The following IQCM variants were observed in gnomAD, a reference collection of about 807,000 sequenced individuals.
IQCM encodes the protein IQ motif containing M, also known as IQ domain-containing protein M.
In IQCM, 45 loss-of-function variants were observed where a neutral mutation model predicts 57.6. That is an observed-to-expected ratio of 0.78 (90% CI 0.62 to 1.00). The LOEUF is 1.00. IQCM is among the 50% of genes least tolerant of loss of function. The pLI is 0.00. For missense variants in IQCM, 468 were observed against 511.6 expected (o/e 0.91, Z 0.82); for synonymous variants, 148 against 158.9 (o/e 0.93, Z 0.51).
intron 2 of IQCM, among the ~76,000 whole-genome samples, chr4:149,766,492 C>A (rs916745695): frequency 6.6e-6 from 1 of 152,076 alleles, no homozygotes; most frequent in African/African-American, 2.4e-5. Context: ...TCCTGGCTCC[C>A]CAGATACCCC....
chr4:149,404,694 AG>A (rs1325664852), intron 13 of IQCM, among the ~76,000 whole-genome samples: 1 of 152,120 alleles, frequency 6.6e-6, no homozygotes, highest in Non-Finnish European at 1.5e-5. Context: ...TAGTGACCAT[AG>A]ATAGGACAGC....
chr4:149,592,933 T>A (rs11099737), intron 8 of IQCM, among the ~76,000 whole-genome samples: 14 of 151,946 alleles, frequency 9.2e-5, no homozygotes, highest in African/African-American at 2.7e-4. Flanking sequence ...TTGTCTTGGC[T>A]ATGTGGGCTC....
chr4:149,670,240 T>C (rs1216794521), intron 7 of IQCM, among the ~76,000 whole-genome samples: 2 of 152,180 alleles, frequency 1.3e-5, no homozygotes, highest in African/African-American at 4.8e-5. Flanking sequence ...CTTGAAGCAA[T>C]TGTGAATGGG....
intron 8 of IQCM, among the ~76,000 whole-genome samples, chr4:149,593,472 G>A (rs1443317147): frequency 6.6e-6 from 1 of 151,956 alleles, no homozygotes; most frequent in Non-Finnish European, 1.5e-5. Context: ...TGATTGCCCT[G>A]GCCAGAACTT....
chr4:149,736,149 T>C (rs1009024651), intron 3 of IQCM, among the ~76,000 whole-genome samples: 2 of 152,088 alleles, frequency 1.3e-5, no homozygotes, highest in Non-Finnish European at 2.9e-5. Context: ...GGTTTCACCA[T>C]GCTGCCCAGG....
At chr4:149,546,005 TC>T (rs1748375032) in intron 12 of IQCM, among the ~76,000 whole-genome samples, 1 of 152,132 alleles carries the variant, frequency 6.6e-6, no homozygotes, top group East Asian at 1.9e-4. Flanking sequence ...TGTGTGATGT[TC>T]CCCACCCTGT....
intron 12 of IQCM, among the ~76,000 whole-genome samples, chr4:149,543,237 C>T (rs932069044): frequency 1.7e-4 from 26 of 151,872 alleles, no homozygotes; most frequent in Non-Finnish European, 3.7e-4. Context: ...CAGATTACTA[C>T]TCTGTCAAAA....
intron 12 of IQCM, among the ~76,000 whole-genome samples, chr4:149,517,530 T>C (rs1468541996): frequency 6.6e-6 from 1 of 152,140 alleles, no homozygotes; most frequent in African/African-American, 2.4e-5. Context: ...TCTCAGGAGA[T>C]GTGTATGGGT....
chr4:149,496,684 C>T (rs1742691119), intron 12 of IQCM, among the ~76,000 whole-genome samples: 1 of 152,122 alleles, frequency 6.6e-6, no homozygotes, highest in Non-Finnish European at 1.5e-5. Context: ...GACTTCTGAC[C>T]TCCAGAACTT....
chr4:149,523,176 T>C (rs1218978614), intron 12 of IQCM, among the ~76,000 whole-genome samples: 1 of 152,122 alleles, frequency 6.6e-6, no homozygotes, highest in Non-Finnish European at 1.5e-5. Context: ...CTGTCTCTTC[T>C]TATAAAAGCA....
intron 13 of IQCM, among the ~76,000 whole-genome samples, chr4:149,394,004 T>C (rs553053401): frequency 6.6e-6 from 1 of 152,094 alleles, no homozygotes. Context: ...TGAACAGTAG[T>C]TTCCAAATTA....
chr4:149,553,453 T>C (rs1240119725), intron 10 of IQCM, among the ~76,000 whole-genome samples, 166 bp from the exon 11 acceptor site: 1 of 152,238 alleles, frequency 6.6e-6, no homozygotes, highest in African/African-American at 2.4e-5. Flanking sequence ...ATAATCTCCC[T>C]GAAGTTCAGA....
chr4:149,630,523 A>G (rs569719959), intron 7 of IQCM, among the ~76,000 whole-genome samples: 14 of 152,338 alleles, frequency 9.2e-5, no homozygotes, highest in African/African-American at 2.9e-4. Context: ...CTGAAAAGGA[A>G]GCAATAATTA....
chr4:149,384,962 G>T (rs910691306), intron 13 of IQCM, among the ~76,000 whole-genome samples: 1 of 151,810 alleles, frequency 6.6e-6, no homozygotes, highest in Non-Finnish European at 1.5e-5. Context: ...TTTAAAAAAT[G>T]CTTCATTAAA....
intron 2 of IQCM, among the ~76,000 whole-genome samples, chr4:149,754,352 C>A (rs1015711884): frequency 2.6e-5 from 4 of 152,178 alleles, no homozygotes; most frequent in Admixed American, 2.6e-4. Context: ...TGCATCACAG[C>A]TCAATTTCTC....
chr4:149,443,617 A>G lies in IQCM; in HGVS notation c.1229-10060T>C, dbSNP rs536682254. ...CTAAGTCTTGTTAAAATAGAGCGCAATAAAATTGAATTAAAATAACTAAAG... is the reference window on the plus strand; with the variant it reads ...CTAAGTCTTGTTAAAATAGAGCGCAGTAAAATTGAATTAAAATAACTAAAG... On this transcript the variant is annotated intron_variant, in intron 12 of 13. Transcript: ENST00000636793. 2.6e-5 allele frequency among the ~76,000 whole-genome samples: 4 copies of G among 151,636 alleles called. No individual in the cohort carries two copies. The South Asian group carries it at 6.2e-4, about 24-fold the overall frequency.
intron 13 of IQCM, among the ~76,000 whole-genome samples, chr4:149,410,162 T>C (rs1469317559): frequency 1.3e-5 from 2 of 152,024 alleles, no homozygotes; most frequent in African/African-American, 2.4e-5. Flanking sequence ...CAGCCTGGGC[T>C]ACAGAGCAAG....
At chr4:149,567,924 G>A (rs954055343) in intron 9 of IQCM, among the ~76,000 whole-genome samples, 10 of 152,030 alleles carry the variant, frequency 6.6e-5, no homozygotes, top group South Asian at 4.2e-4. Context: ...TGCCAGCTCC[G>A]AATTCAAAAT....
At chr4:149,543,031 G>A (rs972999180) in intron 12 of IQCM, among the ~76,000 whole-genome samples, 4 of 150,950 alleles carry the variant, frequency 2.6e-5, no homozygotes, top group African/African-American at 4.9e-5. Flanking sequence ...ATAATGAGTA[G>A]AGAAAAATAC....
Sources: allele counts gnomAD v4.1 joint callset (sites outside exome capture counted in the v4.1 genomes callset), GRCh38; gene constraint gnomAD v4.1.1; transcripts MANE v1.5; gene names NCBI Gene and HGNC (gene_info 2026-07-23, HGNC 2026-07-21).